Variants in DTNB observed in about 807,000 individuals in gnomAD.
The protein encoded by DTNB is dystrobrevin beta, also known as DTN-B.
Under a neutral mutation model 90.7 loss-of-function variants are expected in DTNB, and 63 were observed. The ratio of observed to expected loss-of-function variants is 0.69; its 90% CI spans 0.57 to 0.86. The LOEUF (loss-of-function observed/expected upper bound fraction) is 0.86. Among genes scored for constraint, DTNB ranks in the 40% least tolerant of loss-of-function variants. DTNB has a pLI of 0.00. For missense variants in DTNB, 744 were observed against 807.1 expected, an observed-to-expected ratio of 0.92 and a Z score of 0.95; for synonymous variants, 277 against 286.7, an observed-to-expected ratio of 0.97 and a Z score of 0.34.
Position 25,387,399 on chromosome 2 carries a change from T to G in DTNB, c.1736-21A>C. On this transcript the variant is annotated intron_variant, in intron 17 of 20. Coordinates refer to ENST00000406818, the MANE Select transcript of DTNB (RefSeq NM_021907.5). This position sits in a 1 kb window ranked among gnomAD's most constrained non-coding sequence, Gnocchi z 4.5. ...CGTACCTGAGGAGAGGCAGAGCAGA[T>G]GGGGATGCCAGGGTGGGTGAGCGTG... is the stretch of plus-strand genomic sequence containing the variant. 6.2e-7 allele frequency: 1 copy of G among 1,606,822 alleles called. No individual in the cohort carries two copies. Among genetic ancestry groups the G allele is most frequent in the Non-Finnish European group, 8.5e-7 (1 of 1,174,800 alleles).
At chr2:25,521,304 G>A (rs925983874) in intron 9 of DTNB, among the ~76,000 whole-genome samples, 5 of 151,814 alleles carry the variant, frequency 3.3e-5, no homozygotes, top group East Asian at 3.9e-4. Flanking sequence ...GGTCTCAGTC[G>A]TTAATGACTC....
intron 15 of DTNB, 104 bp from the exon 16 acceptor site, chr2:25,419,639 T>C: frequency 6.9e-7 from 1 of 1,456,938 alleles, no homozygotes; most frequent in East Asian, 2.5e-5. Context: ...GATAGAAAAA[T>C]CAGGCAAACC....
intron 8 of DTNB, among the ~76,000 whole-genome samples, chr2:25,548,658 G>A (rs906474344): frequency 1.3e-5 from 2 of 152,110 alleles, no homozygotes; most frequent in African/African-American, 2.4e-5. Flanking sequence ...GGCAGAAGAT[G>A]AGCTGAGAGG....
At chr2:25,563,201 ACT>A (rs1559041417) in intron 8 of DTNB, among the ~76,000 whole-genome samples, 1 of 152,140 alleles carries the variant, frequency 6.6e-6, no homozygotes, top group African/African-American at 2.4e-5. Flanking sequence ...CAAATCTGAA[ACT>A]CTATACTGAT....
intron 3 of DTNB, among the ~76,000 whole-genome samples, chr2:25,633,418 G>A (rs1405827135): frequency 3.3e-5 from 5 of 152,062 alleles, no homozygotes; most frequent in South Asian, 2.1e-4. Context: ...CGCCAGCCTC[G>A]GCCTCTCGAG....
intron 10 of DTNB, among the ~76,000 whole-genome samples, chr2:25,472,650 G>A (rs774691306): frequency 6.6e-6 from 1 of 152,160 alleles, no homozygotes; most frequent in South Asian, 2.1e-4. Flanking sequence ...TTTGGAGGCC[G>A]AGGTAGGTAG....
intron 9 of DTNB, among the ~76,000 whole-genome samples, chr2:25,483,881 A>G (rs1487244827): frequency 5.3e-5 from 8 of 152,234 alleles, no homozygotes; most frequent in Admixed American, 5.2e-4. Flanking sequence ...AACCACATAC[A>G]TTATAACAGA....
intron 9 of DTNB, among the ~76,000 whole-genome samples, chr2:25,521,483 A>G (rs1011654613): frequency 6.6e-6 from 1 of 151,844 alleles, no homozygotes; most frequent in Non-Finnish European, 1.5e-5. Context: ...TCCCAGGCTC[A>G]AGCAATCCTC....
At chr2:25,514,681 C>CTTTTTTTTTT (rs560287104) in intron 9 of DTNB, among the ~76,000 whole-genome samples, 1 of 98,862 alleles carries the variant, frequency 1.0e-5, no homozygotes. Context: ...TGAAAAAAAT[C>CTTTTTTTTTT]TTTTTTTTTT....
At chr2:25,579,362 T>C (rs1205463333) in intron 7 of DTNB, among the ~76,000 whole-genome samples, 1 of 152,120 alleles carries the variant, frequency 6.6e-6, no homozygotes, top group Non-Finnish European at 1.5e-5. Context: ...GCTGAGAAAA[T>C]TTTATTCTGA....
chr2:25,572,794 TC>T (rs1164827723), intron 8 of DTNB, among the ~76,000 whole-genome samples: 1 of 152,178 alleles, frequency 6.6e-6, no homozygotes, highest in East Asian at 1.9e-4. Context: ...TCCAGTTGAT[TC>T]CATGTGCCAG....
intron 15 of DTNB, among the ~76,000 whole-genome samples, chr2:25,423,051 G>A (rs942267400): frequency 6.6e-6 from 1 of 152,176 alleles, no homozygotes; most frequent in African/African-American, 2.4e-5. Context: ...TCAGCTGGTT[G>A]TGGTGGCGGG....
chr2:25,666,180 T>C (rs2084393482), intron 1 of DTNB, among the ~76,000 whole-genome samples: 1 of 152,248 alleles, frequency 6.6e-6, no homozygotes, highest in Non-Finnish European at 1.5e-5. Flanking sequence ...GTGAGGTTTT[T>C]TGTTAAAAGT....
intron 1 of DTNB, among the ~76,000 whole-genome samples, chr2:25,662,005 A>AAT (rs1415082287): frequency 1.3e-5 from 2 of 151,904 alleles, no homozygotes; most frequent in African/African-American, 2.4e-5. Flanking sequence ...AAATACAAAA[A>AAT]ATTAGCTGGG....
intron 9 of DTNB, among the ~76,000 whole-genome samples, chr2:25,489,574 G>C (rs1363861545): frequency 4.6e-5 from 7 of 152,152 alleles, no homozygotes; most frequent in Non-Finnish European, 8.8e-5. Flanking sequence ...TCCCAGTTAT[G>C]CAGGAGGCTG....
rs939552073 is a variant in DTNB at position 25,565,825 on chromosome 2, C to CT, written c.876+11012dup. 8.5e-5 allele frequency among the ~76,000 whole-genome samples: 13 copies of CT among 152,062 alleles called. No individual in the cohort carries two copies. In the East Asian group the frequency reaches 2.3e-3, roughly 27 times the overall value. ...TTCCAAATTTGGTTTGCTAATATTA[C>CT]TTTTTTTAAAAAAACTAAGAGATTC... On this transcript the variant is annotated intron_variant, in intron 8 of 20. Transcript: ENST00000406818.
chr2:25,495,696 G>C (rs1243347079), intron 9 of DTNB, among the ~76,000 whole-genome samples: 1 of 152,032 alleles, frequency 6.6e-6, no homozygotes, highest in Non-Finnish European at 1.5e-5. Flanking sequence ...ACCTCACGGG[G>C]TTCTATGGTT....
chr2:25,556,687 G>A (rs915510043), intron 8 of DTNB, among the ~76,000 whole-genome samples: 8 of 152,010 alleles, frequency 5.3e-5, no homozygotes, highest in Non-Finnish European at 1.0e-4. Flanking sequence ...GTGATATAGC[G>A]GGCCATGAAG....
At chr2:25,400,415 C>G (rs1427545210) in intron 16 of DTNB, among the ~76,000 whole-genome samples, 2 of 152,252 alleles carry the variant, frequency 1.3e-5, no homozygotes, top group African/African-American at 4.8e-5. Context: ...CTGCTGAACA[C>G]TCCGCTCAAC....
Sources: gnomAD v4.1 joint callset for allele counts (sites outside exome capture counted in the v4.1 genomes callset) on GRCh38, gnomAD v4.1.1 for gene constraint, Gnocchi (gnomAD v3.1) non-coding constraint, MANE v1.5 for transcripts, NCBI Gene and HGNC (gene_info 2026-07-23, HGNC 2026-07-21) for gene names.